Variants in ARHGAP21 observed in about 807,000 individuals in gnomAD.
ARHGAP21 encodes the protein Rho GTPase activating protein 21.
ARHGAP21 carries 38 observed loss-of-function variants against 164.6 expected under a neutral mutation model. The observed-to-expected ratio is 0.23, with a 90% CI of 0.18 to 0.30. The LOEUF is 0.30. ARHGAP21 is among the 10% of genes least tolerant of loss of function. The pLI is 1.00. For synonymous variants in ARHGAP21, 766 were observed against 857.9 expected, an observed-to-expected ratio of 0.89 and a Z score of 1.87; for missense variants, 1,822 against 2,370.7, an observed-to-expected ratio of 0.77 and a Z score of 4.81.
intron 2 of ARHGAP21, among the ~76,000 whole-genome samples, chr10:24,672,946 A>G (rs1460435973): frequency 2.0e-5 from 3 of 152,232 alleles, no homozygotes; most frequent in Admixed American, 2.0e-4. Flanking sequence ...ACTTTTTAAA[A>G]TACCATTTAT....
Position 24,635,046 on chromosome 10 carries a change from T to C in ARHGAP21, c.326A>G (p.Glu109Gly), listed in dbSNP as rs1416053079. Residue 109 changes from glutamate (E) to glycine (G), a missense_variant, in exon 5 of 26, where the codon GAA becomes GGA. Transcript: ENST00000396432. The part of the protein sequence containing the change: ...MDTIFVKQVK[E>G]GGPAFEAGLC... ...TCCAGCTTCAAAAGCAGGTCCTCCT[T>C]CTTTAACTTGCTTAACAAATATGGT... 1.9e-6 allele frequency: 3 copies of C among 1,602,486 alleles called. No homozygotes were observed. The South Asian group carries it at 3.4e-5, about 18-fold the overall frequency.
intron 25 of ARHGAP21, among the ~76,000 whole-genome samples, chr10:24,587,387 T>A (rs546646313): frequency 1.3e-5 from 2 of 152,130 alleles, no homozygotes; most frequent in Non-Finnish European, 2.9e-5. Context: ...TGCTGAGTAA[T>A]AGAAACAGAC....
rs532380083 is a variant in ARHGAP21, at chr10:24,597,313, C to A, written c.3334+134G>T. ...AAGGGAAAGGCCCAATGAGCCCAGA[C>A]CAAGCCTACTATGAATTTTGAGCTA... is the stretch of plus-strand genomic sequence containing the variant. On this transcript the variant is annotated intron_variant, in intron 16 of 25. Coordinates refer to ENST00000396432, the MANE Select transcript of ARHGAP21 (RefSeq NM_020824.4). The A allele has an allele frequency of 2.4e-5, 29 of 1,210,996 alleles. No individual in the cohort carries two copies. In the South Asian group the frequency reaches 4.1e-4, roughly 17 times the overall value. The allele number at this position is 1,210,996 out of a possible 1,614,324, so 75.0% of individuals were successfully genotyped here.
At chr10:24,702,993 AATAC>A (rs1374995096) in intron 2 of ARHGAP21, among the ~76,000 whole-genome samples, 1 of 152,190 alleles carries the variant, frequency 6.6e-6, no homozygotes, top group Non-Finnish European at 1.5e-5. Flanking sequence ...ACACACACAT[AATAC>A]ATAGTTTATA....
At position 24,590,138 on chromosome 10, in the gene ARHGAP21, G is replaced by A. The variant is rs1330108368; in HGVS notation, c.4151-836C>T. 9.9e-6 allele frequency: 13 copies of A among 1,317,310 alleles called. No homozygotes were observed. The East Asian group carries it at 3.3e-4, about 34-fold the overall frequency. The allele number at this position is 1,317,310 out of a possible 1,614,324, so 81.6% of individuals were successfully genotyped here. ...TTGGTTTTCAGAATTAATGAGCTGA[G>A]CCCCATGCCACGCCCCTTTTAACAC... On this transcript the variant is annotated intron_variant, in intron 24 of 25. Transcript: ENST00000396432.
At chr10:24,707,768 C>G (rs576971049) in intron 2 of ARHGAP21, among the ~76,000 whole-genome samples, 3 of 152,240 alleles carry the variant, frequency 2.0e-5, no homozygotes, top group Admixed American at 2.0e-4. Flanking sequence ...AATGAACTGT[C>G]CTTTTTCCAC....
At position 24,621,092 on chromosome 10, in the gene ARHGAP21, T is replaced by A. The variant is rs749276398; in HGVS notation, c.803A>T (p.Asn268Ile). 9 of 1,613,990 alleles carry A rather than the reference T, an allele frequency of 5.6e-6. No homozygotes were observed. Among genetic ancestry groups the A allele is most frequent in the Non-Finnish European group, 7.6e-6 (9 of 1,179,858 alleles). The change falls in exon 9 of 26, where the codon AAT (asparagine) becomes ATT (isoleucine). Residue 268 changes from asparagine to isoleucine, a missense_variant. Asn to Ile is a moderately radical substitution (Grantham distance 149, BLOSUM62 -3). Coordinates refer to ENST00000396432, the MANE Select transcript of ARHGAP21 (RefSeq NM_020824.4). Reference sequence around the variant, plus strand: ...CACAATGACAGTCCTTACACTTTCATTGCAAACACACACTGCTGTGTTTGA... The same window carrying A: ...CACAATGACAGTCCTTACACTTTCAATGCAAACACACACTGCTGTGTTTGA... ...AKSNTAVCVC[N>I]ESVRTVIVPS...
chr10:24,633,553 T>C, intron 5 of ARHGAP21, 73 bp from the exon 6 acceptor site: 1 of 927,100 alleles, frequency 1.1e-6, no homozygotes. Context: ...GAAATATTTC[T>C]TGAATAATGT....
chr10:24,601,849 CTA>C, intron 13 of ARHGAP21, 127 bp downstream of exon 13: 1 of 1,149,114 alleles, frequency 8.7e-7, no homozygotes, highest in Non-Finnish European at 1.1e-6. Flanking sequence ...GTAGAAAAAT[CTA>C]TTTATAAATG....
At chr10:24,677,460 T>C (rs960879577) in intron 2 of ARHGAP21, among the ~76,000 whole-genome samples, 2 of 152,204 alleles carry the variant, frequency 1.3e-5, no homozygotes, top group African/African-American at 4.8e-5. Flanking sequence ...GATGAACTGC[T>C]AACTTTTTCC....
rs2076654939 is a variant in ARHGAP21 at position 24,597,931 on chromosome 10, G to A, written c.3197+14C>T. ...TTATATCCAAATTAACTGCAGGCAA[G>A]GTGGGATTCTCACCTCATCAGATTG... On this transcript the variant is annotated intron_variant, in intron 15 of 25. Coordinates refer to ENST00000396432, the MANE Select transcript of ARHGAP21 (RefSeq NM_020824.4). 4.3e-6 allele frequency: 7 copies of A among 1,609,318 alleles called. No homozygotes were observed. The highest frequency in any genetic ancestry group is 5.1e-6 in the Non-Finnish European group (6 of 1,177,224).
At chr10:24,723,385 G>A (rs1217364490) in intron 1 of ARHGAP21, 177 bp downstream of exon 1, 1 of 145,588 alleles carries the variant, frequency 6.9e-6, no homozygotes, top group East Asian at 2.0e-4. Context: ...CCGCACACGC[G>A]GGCGCGGCCC....
At chr10:24,633,884 T>TC (rs1491540239) in intron 5 of ARHGAP21, among the ~76,000 whole-genome samples, 4 of 38,290 alleles carry the variant, frequency 1.0e-4, no homozygotes, top group Admixed American at 2.6e-4. Context: ...TTTTTTTCTC[T>TC]TTTTTTTTTT....
intron 2 of ARHGAP21, among the ~76,000 whole-genome samples, chr10:24,681,645 T>A (rs1841767219): frequency 6.6e-6 from 1 of 152,148 alleles, no homozygotes; most frequent in Non-Finnish European, 1.5e-5. Context: ...TTTGTCTTTT[T>A]TTTTTTCCAT....
chr10:24,601,536 T>A (rs1420831225), intron 13 of ARHGAP21, among the ~76,000 whole-genome samples: 1 of 152,146 alleles, frequency 6.6e-6, no homozygotes, highest in Non-Finnish European at 1.5e-5. Context: ...TATTGATATT[T>A]TTATATTTGT....
intron 2 of ARHGAP21, among the ~76,000 whole-genome samples, chr10:24,675,326 A>G (rs995212956): frequency 6.6e-6 from 1 of 152,194 alleles, no homozygotes; most frequent in Non-Finnish European, 1.5e-5. Context: ...GGAGGAGGAG[A>G]AGGAGTACAT....
chr10:24,602,160 G>A (rs544933208), intron 12 of ARHGAP21, 57 bp from the exon 13 acceptor site: 1 of 1,551,312 alleles, frequency 6.4e-7, no homozygotes, highest in African/African-American at 1.4e-5. Flanking sequence ...ATAAATATTT[G>A]CACATGGAAA....
chr10:24,723,845 C>G lies in ARHGAP21; in HGVS notation c.-664G>C, dbSNP rs1444003228. Among the ~76,000 whole-genome samples, 4 of 150,260 alleles carry G rather than the reference C, an allele frequency of 2.7e-5. No individual in the cohort carries two copies. The highest frequency in any genetic ancestry group is 5.9e-5 in the Non-Finnish European group (4 of 67,482). On this transcript the variant is annotated 5_prime_UTR_variant, in exon 1 of 26. Coordinates refer to ENST00000396432, the MANE Select transcript of ARHGAP21 (RefSeq NM_020824.4). ...CTCCCCTCGCCTCGCCGGGCCGGGC[C>G]GGGGCCCAGCTCCGGCGCCCGCGAA... is the stretch of plus-strand genomic sequence containing the variant.
In ARHGAP21 at chr10:24,680,829, T is replaced by A. The variant is rs142091135; in HGVS notation, c.64-10432A>T. Among the ~76,000 whole-genome samples the A allele has an allele frequency of 7.1e-3, 1,075 of 152,266 alleles. 9 individuals carry two copies. Among genetic ancestry groups the A allele is most frequent in the South Asian group, 0.02 (98 of 4,826 alleles). ...CATGGGTTTCTCCACCTAAGAAATATCCCTCTACACACATCTTATTTCCCT... is the reference window on the plus strand; with the variant it reads ...CATGGGTTTCTCCACCTAAGAAATAACCCTCTACACACATCTTATTTCCCT... On this transcript the variant is annotated intron_variant, in intron 2 of 25. Transcript: ENST00000396432.
Sources: allele counts gnomAD v4.1 joint callset (sites outside exome capture counted in the v4.1 genomes callset), GRCh38; gene constraint gnomAD v4.1.1; transcripts MANE v1.5; gene names NCBI Gene and HGNC (gene_info 2026-07-23, HGNC 2026-07-21).